Variants in BLOC1S3 observed in about 807,000 individuals in gnomAD.
BLOC1S3 encodes biogenesis of lysosomal organelles complex 1 subunit 3.
In BLOC1S3, 7 loss-of-function variants were observed where a neutral mutation model predicts 9.1. The ratio of observed to expected loss-of-function variants is 0.77; its 90% CI spans 0.44 to 1.45. BLOC1S3 has a LOEUF of 1.45. Ranked by LOEUF, BLOC1S3 falls within the 40% of genes most tolerant of loss-of-function variation. The probability of loss-of-function intolerance (pLI) is 0.01; values close to 1 mark genes in which losing one functional copy is unlikely to be tolerated. For synonymous variants in BLOC1S3, 145 were observed against 158.4 expected (o/e 0.92, Z 0.64); for missense variants, 307 against 315.2 (o/e 0.97, Z 0.20).
At chr19:45,213,231 G>C (rs1306529857) in intron 3 of BLOC1S3, 10 of 1,612,822 alleles carry the variant, frequency 6.2e-6, no homozygotes, top group Non-Finnish European at 8.5e-6. Flanking sequence ...AGAAGGCACG[G>C]TCCCGAGGGG....
Position 45,180,439 on chromosome 19 carries a change from G to A in BLOC1S3, c.*534G>A, listed in dbSNP as rs1969504666. 6.5e-6 allele frequency: 1 copy of A among 153,366 alleles called. No homozygotes were observed. Among genetic ancestry groups the A allele is most frequent in the African/African-American group, 2.4e-5 (1 of 41,278 alleles). The allele number at this position is 153,366 out of a possible 1,614,324, so 9.5% of individuals were successfully genotyped here. On this transcript the variant is annotated 3_prime_UTR_variant, in exon 2 of 2. Transcript: ENST00000433642. ...GTTAATTTTTTTCTGTCGGTTTGAA[G>A]AGGGGAGAAGGTCTCACTATGTTGC...
chr19:45,185,408 G>A (rs555203447), downstream of BLOC1S3, among the ~76,000 whole-genome samples: 18 of 152,210 alleles, frequency 1.2e-4, no homozygotes, highest in Non-Finnish European at 2.5e-4. Context: ...TGAGACGTTC[G>A]GGCACAGCCT....
chr19:45,183,028 G>A (rs150715838), downstream of BLOC1S3, among the ~76,000 whole-genome samples: 45 of 152,226 alleles, frequency 3.0e-4, no homozygotes, highest in African/African-American at 9.9e-4. Context: ...CAGCATATGC[G>A]AGGGCCCTGA....
chr19:45,216,165 C>T (rs1599759830), intron 3 of BLOC1S3: 1 of 1,613,846 alleles, frequency 6.2e-7, no homozygotes, highest in Non-Finnish European at 8.5e-7. Flanking sequence ...AATGGGGCAC[C>T]ACGGCATCCA....
chr19:45,199,408 C>G (rs1275615332), intron 2 of BLOC1S3, among the ~76,000 whole-genome samples: 1 of 148,740 alleles, frequency 6.7e-6, no homozygotes, highest in Non-Finnish European at 1.5e-5. Flanking sequence ...CTCCGCCTCC[C>G]GGGTTCAAGC....
chr19:45,197,580 C>T (rs183792564), intron 2 of BLOC1S3, among the ~76,000 whole-genome samples: 1 of 151,554 alleles, frequency 6.6e-6, no homozygotes, highest in African/African-American at 2.4e-5. Flanking sequence ...GATCCTAGCA[C>T]GTTGGGAGGC....
chr19:45,206,353 CAAA>C (rs529931068), intron 3 of BLOC1S3, among the ~76,000 whole-genome samples: 28,902 of 83,032 alleles, frequency 0.35, 4,261 homozygotes, highest in East Asian at 0.51. Flanking sequence ...GTGAAACTCT[CAAA>C]AAAAAAAAAA....
chr19:45,195,735 T>C (rs1969643266), intron 2 of BLOC1S3, among the ~76,000 whole-genome samples: 1 of 151,998 alleles, frequency 6.6e-6, no homozygotes, highest in African/African-American at 2.4e-5. Flanking sequence ...GCTGGGACTA[T>C]AGGTGTGCAC....
chr19:45,215,077 C>T lies in BLOC1S3; in HGVS notation n.283-1599C>T, dbSNP rs527621500. On this transcript the variant is annotated intron_variant and non_coding_transcript_variant, in intron 3 of 3. Transcript: ENST00000591569. ...ACAATAATCTCTTGAACCCGGGAGG[C>T]AGAGGTTGCAGTGAGCTGAGATCAC... Among the ~76,000 whole-genome samples, 4 of 152,150 alleles carry T rather than the reference C, an allele frequency of 2.6e-5. No individual in the cohort carries two copies. The South Asian group carries it at 6.2e-4, about 24-fold the overall frequency.
At chr19:45,213,008 A>G in intron 3 of BLOC1S3, 3 of 1,420,242 alleles carry the variant, frequency 2.1e-6, no homozygotes, top group Non-Finnish European at 2.7e-6. Context: ...GGGGCGCCGT[A>G]CGGGAGGTTG....
chr19:45,213,316 C>T lies in BLOC1S3; in HGVS notation n.283-3360C>T, dbSNP rs759841252. On this transcript the variant is annotated intron_variant and non_coding_transcript_variant, in intron 3 of 3. Transcript: ENST00000591569. Reference sequence around the variant, plus strand: ...GATCTCCTGGCGGGCGGCTGTGTTGCGCAGGCCACGGATGTCGAGGAGGGC... The same window carrying T: ...GATCTCCTGGCGGGCGGCTGTGTTGTGCAGGCCACGGATGTCGAGGAGGGC... 1.3e-5 allele frequency: 21 copies of T among 1,613,620 alleles called. No homozygotes were observed. In the Middle Eastern group the frequency reaches 4.9e-4, roughly 38 times the overall value.
Position 45,179,523 on chromosome 19 carries a change from C to A in BLOC1S3, c.227C>A (p.Ala76Glu). 1.3e-6 allele frequency: 2 copies of A among 1,523,058 alleles called. No homozygotes were observed. Among genetic ancestry groups the A allele is most frequent in the Non-Finnish European group, 1.8e-6 (2 of 1,142,546 alleles). The allele number at this position is 1,523,058 out of a possible 1,614,324, so 94.3% of individuals were successfully genotyped here. ...EPEPEPEPTA[A>E]PRDLPPLVVQ... ...GAGCCGGAGCCGGAACCGACGGCCGCGCCGAGGGACCTGCCTCCACTCGTG... is the reference window on the plus strand; with the variant it reads ...GAGCCGGAGCCGGAACCGACGGCCGAGCCGAGGGACCTGCCTCCACTCGTG... Residue 76 changes from alanine to glutamate, a missense_variant, in exon 2 of 2, where the codon GCG becomes GAG. By Grantham distance (107) the Ala-to-Glu change is moderately radical (BLOSUM62 -1). Coordinates refer to ENST00000433642, the MANE Select transcript of BLOC1S3 (RefSeq NM_212550.5). This position sits in a 1 kb window ranked among gnomAD's most constrained non-coding sequence, Gnocchi z 4.6.
At position 45,181,532 on chromosome 19, in the gene BLOC1S3, T is replaced by A. The variant is rs1969521690; in HGVS notation, c.*1627T>A. 6.0e-6 allele frequency: 1 copy of A among 167,062 alleles called. No homozygotes were observed. Among genetic ancestry groups the A allele is most frequent in the Non-Finnish European group, 1.5e-5 (1 of 68,120 alleles). The allele number at this position is 167,062 out of a possible 1,614,324, so 10.3% of individuals were successfully genotyped here. A position where few individuals can be genotyped will look rare whatever the true frequency, so the allele number is the denominator to read the frequency against. Reference sequence around the variant, plus strand: ...GATAAGAACGATATGATGTGTGGATTTCACTACATTTGGCTCCTGGATGCT... The same window carrying A: ...GATAAGAACGATATGATGTGTGGATATCACTACATTTGGCTCCTGGATGCT... On this transcript the variant is annotated 3_prime_UTR_variant, in exon 2 of 2. Transcript: ENST00000433642.
intron 3 of BLOC1S3, chr19:45,213,099 CG>C: frequency 6.5e-7 from 1 of 1,526,978 alleles, no homozygotes; most frequent in Non-Finnish European, 8.8e-7. Flanking sequence ...GCGCTAGAGA[CG>C]GAGGCCGGGG....
intron 3 of BLOC1S3, among the ~76,000 whole-genome samples, chr19:45,205,317 C>G (rs1454940004): frequency 6.6e-6 from 1 of 152,052 alleles, no homozygotes; most frequent in African/African-American, 2.4e-5. Flanking sequence ...AGGTGCCCAC[C>G]ACCACACCCG....
intron 2 of BLOC1S3, among the ~76,000 whole-genome samples, chr19:45,200,776 C>T (rs1209535649): frequency 2.6e-5 from 4 of 152,168 alleles, no homozygotes; most frequent in Non-Finnish European, 5.9e-5. Context: ...GTAGTCTGAG[C>T]TTATTTGAAC....
chr19:45,216,503 C>T (rs995834644), intron 3 of BLOC1S3, among the ~76,000 whole-genome samples: 6 of 152,036 alleles, frequency 3.9e-5, no homozygotes, highest in Admixed American at 2.0e-4. Context: ...CACTTGAAAT[C>T]GAGAGGCAGA....
upstream of BLOC1S3, among the ~76,000 whole-genome samples, chr19:45,187,036 GTCTGAACA>G (rs1969570697): frequency 6.6e-6 from 1 of 152,198 alleles, no homozygotes; most frequent in African/African-American, 2.4e-5. Context: ...CACTGGAGAG[GTCTGAACA>G]TCATCCTCAT....
chr19:45,209,046 T>G lies in BLOC1S3; in HGVS notation n.282+6539T>G, dbSNP rs550231949. ...GCACAACATGGTGACTACAGTTTTG[T>G]TTTTTTTTTGTTGTTTGTTTGAGAT... On this transcript the variant is annotated intron_variant and non_coding_transcript_variant, in intron 3 of 3. Coordinates refer to the BLOC1S3 transcript ENST00000591569. Among the ~76,000 whole-genome samples, 316 of 79,318 alleles carry G rather than the reference T, an allele frequency of 4.0e-3. 1 individual carries two copies. The highest frequency in any genetic ancestry group is 7.2e-3 in the Admixed American group (50 of 6,978). 52.0% of individuals were successfully genotyped at this position (79,318 alleles called of 152,430 possible).
Sources: allele counts gnomAD v4.1 joint callset (sites outside exome capture counted in the v4.1 genomes callset), GRCh38; gene constraint gnomAD v4.1.1; non-coding constraint Gnocchi (gnomAD v3.1); transcripts MANE v1.5; gene names NCBI Gene and HGNC (gene_info 2026-07-23, HGNC 2026-07-21).